The following ZFAND3 variants were observed in gnomAD, a reference collection of about 807,000 sequenced individuals.
ZFAND3 encodes the protein zinc finger AN1-type containing 3.
In ZFAND3, 10 loss-of-function variants were observed where a neutral mutation model predicts 29.6. That is an observed-to-expected ratio of 0.34 (90% CI 0.21 to 0.57). The LOEUF is 0.57. Ranked by LOEUF, ZFAND3 falls within the 20% of genes least tolerant of loss-of-function variation. The pLI, the probability that ZFAND3 is intolerant of heterozygous loss-of-function variation, is 0.86. For missense variants in ZFAND3, 230 were observed against 304.5 expected (o/e 0.76, Z 1.82); for synonymous variants, 128 against 112.6 (o/e 1.14, Z -0.87).
rs552631689 is a variant in ZFAND3, at chr6:38,047,639, A to G, written c.113-13954A>G. 5.3e-5 allele frequency among the ~76,000 whole-genome samples: 8 copies of G among 152,304 alleles called. No homozygotes were observed. In the South Asian group the frequency reaches 1.7e-3, roughly 32 times the overall value. The stretch of plus-strand genomic sequence containing the variant: ...AGCTACGTGACTTCTTTTAGCCAAT[A>G]AAATGTTAATGAAAAATTTATTTGG... On this transcript the variant is annotated intron_variant, in intron 2 of 5. Transcript: ENST00000287218.
At chr6:38,115,582 CAG>C (rs950148647) in intron 4 of ZFAND3, among the ~76,000 whole-genome samples, 3 of 151,924 alleles carry the variant, frequency 2.0e-5, no homozygotes, top group Non-Finnish European at 2.9e-5. Context: ...GTGGGGGTGA[CAG>C]AGGGGTAAGA....
At chr6:38,094,627 C>A (rs1289867374) in intron 4 of ZFAND3, among the ~76,000 whole-genome samples, 1 of 152,108 alleles carries the variant, frequency 6.6e-6, no homozygotes, top group Non-Finnish European at 1.5e-5. Flanking sequence ...ATTCCTCATC[C>A]CAGTGTTTGC....
At chr6:38,144,193 A>ATATATATATATAT (rs1562015776) in intron 5 of ZFAND3, among the ~76,000 whole-genome samples, 1 of 40,434 alleles carries the variant, frequency 2.5e-5, no homozygotes, top group African/African-American at 1.5e-4. Flanking sequence ...TAATATATAT[A>ATATATATATATAT]TATATATATA....
chr6:37,888,083 AT>A (rs1166399907), intron 1 of ZFAND3, among the ~76,000 whole-genome samples: 1 of 152,040 alleles, frequency 6.6e-6, no homozygotes, highest in African/African-American at 2.4e-5. Flanking sequence ...GAAGTTAAGG[AT>A]TTTTTTTCTT....
intron 2 of ZFAND3, among the ~76,000 whole-genome samples, chr6:37,994,563 C>G (rs6923665): frequency 0.078 from 11,925 of 152,146 alleles, 554 homozygotes; most frequent in African/African-American, 0.13. Flanking sequence ...GTATGCTTGG[C>G]AGGGTATAGG....
At chr6:37,896,761 T>C (rs1374641254) in intron 1 of ZFAND3, among the ~76,000 whole-genome samples, 1 of 151,864 alleles carries the variant, frequency 6.6e-6, no homozygotes, top group Non-Finnish European at 1.5e-5. Context: ...TCTCATCAGG[T>C]GAGTGGATGA....
chr6:38,016,541 G>T (rs1763255773), intron 2 of ZFAND3, among the ~76,000 whole-genome samples: 2 of 152,134 alleles, frequency 1.3e-5, no homozygotes, highest in African/African-American at 2.4e-5. Context: ...TTGTTATTGT[G>T]CTTTCCTCCT....
At chr6:38,082,153 T>G (rs3800365) in intron 3 of ZFAND3, among the ~76,000 whole-genome samples, 76,046 of 150,320 alleles carry the variant, frequency 0.51, 19,824 homozygotes, top group East Asian at 0.6. Context: ...TTTTTTTTTT[T>G]TTTGTGTGTG....
chr6:37,982,543 C>T (rs970918688), intron 2 of ZFAND3, among the ~76,000 whole-genome samples: 5 of 152,060 alleles, frequency 3.3e-5, no homozygotes, highest in East Asian at 1.9e-4. Flanking sequence ...TGCCTAGTGA[C>T]GTGGTAGCCA....
chr6:37,917,521 A>G (rs897984153), intron 1 of ZFAND3, among the ~76,000 whole-genome samples: 9 of 152,238 alleles, frequency 5.9e-5, no homozygotes, highest in African/African-American at 1.9e-4. Flanking sequence ...TGGTGATTGT[A>G]GAACAGGAAT....
At chr6:37,910,098 C>A (rs2127404613) in intron 1 of ZFAND3, among the ~76,000 whole-genome samples, 1 of 152,332 alleles carries the variant, frequency 6.6e-6, no homozygotes, top group Non-Finnish European at 1.5e-5. Context: ...ATAAGCCACA[C>A]AAATAATACA....
chr6:38,051,045 C>T (rs956817049), intron 2 of ZFAND3, among the ~76,000 whole-genome samples: 1 of 151,898 alleles, frequency 6.6e-6, no homozygotes. Flanking sequence ...GTAGGAATAG[C>T]CCCTTAAGTC....
chr6:38,135,642 G>C (rs907776799), intron 5 of ZFAND3, among the ~76,000 whole-genome samples: 7 of 152,194 alleles, frequency 4.6e-5, no homozygotes, highest in Non-Finnish European at 1.0e-4. Flanking sequence ...CTACTCAGGA[G>C]GCTGAGGCAG....
At chr6:38,004,371 C>T (rs893962467) in intron 2 of ZFAND3, among the ~76,000 whole-genome samples, 6 of 152,168 alleles carry the variant, frequency 3.9e-5, no homozygotes, top group East Asian at 1.9e-4. Context: ...CAGTGTTCCT[C>T]CTCTGCAGGA....
chr6:38,102,637 A>G lies in ZFAND3; in HGVS notation c.362-13935A>G, dbSNP rs571683101. Among the ~76,000 whole-genome samples the G allele has an allele frequency of 3.3e-5, 5 of 152,336 alleles. No individual in the cohort carries two copies. The South Asian group carries it at 6.2e-4, about 19-fold the overall frequency. On this transcript the variant is annotated intron_variant, in intron 4 of 5. Coordinates refer to ENST00000287218, the MANE Select transcript of ZFAND3 (RefSeq NM_021943.3). ...AGTAGGAGGAAGTGCCCACAGTTGC[A>G]GGTACTATCCAGCTGCCCAAAAGTT...
intron 4 of ZFAND3, among the ~76,000 whole-genome samples, chr6:38,093,451 T>C (rs1016225314): frequency 1.3e-5 from 2 of 152,200 alleles, no homozygotes; most frequent in African/African-American, 4.8e-5. Flanking sequence ...AATATGAGCC[T>C]GTTTTAGAAA....
chr6:38,154,054 C>A lies in ZFAND3; in HGVS notation c.*1665C>A. ...CAGAGTGGAACCCGCTGCAAAATCC[C>A]CAGCCTTAATTCTTGCTTCAGGACC... On this transcript the variant is annotated 3_prime_UTR_variant, in exon 6 of 6. Transcript: ENST00000287218. 1 of 985,536 alleles carries A rather than the reference C, an allele frequency of 1.0e-6. No individual in the cohort carries two copies. The highest frequency in any genetic ancestry group is 1.2e-6 in the Non-Finnish European group (1 of 829,974). The allele number at this position is 985,536 out of a possible 1,614,324, so 61.0% of individuals were successfully genotyped here. A position where few individuals can be genotyped will look rare whatever the true frequency, so the allele number is the denominator to read the frequency against.
chr6:38,057,177 T>C (rs1764147737), intron 2 of ZFAND3, among the ~76,000 whole-genome samples: 1 of 152,220 alleles, frequency 6.6e-6, no homozygotes, highest in African/African-American at 2.4e-5. Flanking sequence ...TCAGATGCAG[T>C]GGCTGTTTCT....
At chr6:37,939,550 CAG>C (rs1317767727) in intron 2 of ZFAND3, among the ~76,000 whole-genome samples, 1 of 152,122 alleles carries the variant, frequency 6.6e-6, no homozygotes, top group Non-Finnish European at 1.5e-5. Context: ...GGGACAGGGA[CAG>C]GGTGCATCAT....
Sources: gnomAD v4.1 joint callset for allele counts (sites outside exome capture counted in the v4.1 genomes callset) on GRCh38, gnomAD v4.1.1 for gene constraint, MANE v1.5 for transcripts, NCBI Gene and HGNC (gene_info 2026-07-23, HGNC 2026-07-21) for gene names.